DGKB: variants seen among roughly 807,000 people sequenced by gnomAD.
DGKB encodes 90 kDa diacylglycerol kinase.
In DGKB, 67 loss-of-function variants were observed where a neutral mutation model predicts 114.3. The ratio of observed to expected loss-of-function variants is 0.59; its 90% CI spans 0.48 to 0.72. The LOEUF is 0.72. Ranked by LOEUF, DGKB falls within the 30% of genes least tolerant of loss-of-function variation. The pLI is 0.00. For synonymous variants in DGKB, 398 were observed against 323.1 expected (o/e 1.23, Z -2.49); for missense variants, 907 against 975.2 (o/e 0.93, Z 0.93).
intron 23 of DGKB, among the ~76,000 whole-genome samples, chr7:14,248,375 ATT>A (rs1297344107): frequency 1.3e-5 from 2 of 152,044 alleles, no homozygotes; most frequent in Non-Finnish European, 2.9e-5. Context: ...TGTGTTTTCT[ATT>A]TCTGTGAAAA....
Position 14,474,113 on chromosome 7 carries a change from T to G in DGKB, c.1835+4048A>C, listed in dbSNP as rs1157877706. Among the ~76,000 whole-genome samples, 4 of 152,336 alleles carry G rather than the reference T, an allele frequency of 2.6e-5. No individual in the cohort carries two copies. In the East Asian group the frequency reaches 7.7e-4, roughly 29 times the overall value. ...GGGGCCATGGGCAGAATGATATGGTTTGGCCATATTCCCACTCAAATATCA... is the reference window on the plus strand; with the variant it reads ...GGGGCCATGGGCAGAATGATATGGTGTGGCCATATTCCCACTCAAATATCA... On this transcript the variant is annotated intron_variant, in intron 21 of 25. Transcript: ENST00000402815.
chr7:14,248,017 A>T (rs936759770), intron 23 of DGKB, among the ~76,000 whole-genome samples: 13 of 151,852 alleles, frequency 8.6e-5, no homozygotes, highest in African/African-American at 3.1e-4. Context: ...TTTTAGGTTG[A>T]TTTTTTTTAT....
At chr7:14,925,011 T>C (rs1442311708) in intron 1 of DGKB, among the ~76,000 whole-genome samples, 1 of 152,200 alleles carries the variant, frequency 6.6e-6, no homozygotes, top group Non-Finnish European at 1.5e-5. Context: ...GTTATATAAA[T>C]AGAATCATAC....
chr7:14,538,879 G>T (rs1340271745), intron 20 of DGKB, among the ~76,000 whole-genome samples: 1 of 152,150 alleles, frequency 6.6e-6, no homozygotes, highest in Non-Finnish European at 1.5e-5. Context: ...GCCAGTCACA[G>T]AAGGACAAAC....
In DGKB at chr7:14,800,624, T is replaced by C. The variant is rs1326040936; in HGVS notation, c.70+40570A>G. Among the ~76,000 whole-genome samples, 3 of 152,178 alleles carry C rather than the reference T, an allele frequency of 2.0e-5. No homozygotes were observed. In the East Asian group the frequency reaches 5.8e-4, roughly 29 times the overall value. Reference sequence around the variant, plus strand: ...TGTGATTGTATAAGTTAATACTTAGTAAACTCACCTTTTTATATATGCTAT... The same window carrying C: ...TGTGATTGTATAAGTTAATACTTAGCAAACTCACCTTTTTATATATGCTAT... On this transcript the variant is annotated intron_variant, in intron 2 of 25. Transcript: ENST00000402815.
At chr7:14,530,287 T>A (rs1791361708) in intron 20 of DGKB, among the ~76,000 whole-genome samples, 1 of 151,568 alleles carries the variant, frequency 6.6e-6, no homozygotes. Context: ...AATGAAAAAC[T>A]ATCATGTTCT....
intron 21 of DGKB, among the ~76,000 whole-genome samples, chr7:14,466,148 G>A (rs1780439100): frequency 6.6e-6 from 1 of 152,160 alleles, no homozygotes; most frequent in African/African-American, 2.4e-5. Context: ...CTATGAAACA[G>A]GAATGAGGTA....
intron 1 of DGKB, among the ~76,000 whole-genome samples, chr7:14,962,685 C>T (rs1786927306): frequency 1.3e-5 from 2 of 150,450 alleles, no homozygotes; most frequent in Non-Finnish European, 3.0e-5. Context: ...CGTATACAGG[C>T]AAATGACCAG....
At chr7:14,746,300 C>T (rs1359782476) in intron 4 of DGKB, among the ~76,000 whole-genome samples, 4 of 152,108 alleles carry the variant, frequency 2.6e-5, no homozygotes, top group African/African-American at 4.8e-5. Context: ...CACCACTGCA[C>T]TCTAGCCTGG....
intron 1 of DGKB, among the ~76,000 whole-genome samples, chr7:14,936,194 A>G (rs570212594): frequency 6.6e-6 from 1 of 152,340 alleles, no homozygotes; most frequent in South Asian, 2.1e-4. Context: ...ATTGGACTGT[A>G]CAAACAAGAA....
chr7:14,690,806 A>AT (rs1372813005), intron 9 of DGKB, among the ~76,000 whole-genome samples: 2 of 152,226 alleles, frequency 1.3e-5, no homozygotes, highest in African/African-American at 2.4e-5. Flanking sequence ...ATTACATTGG[A>AT]TTTTTTTAAA....
At chr7:14,271,753 G>A (rs376387816) in intron 23 of DGKB, among the ~76,000 whole-genome samples, 170 of 152,262 alleles carry the variant, frequency 1.1e-3, no homozygotes, top group African/African-American at 3.3e-3. Flanking sequence ...GGACTTAGAC[G>A]GGAAAAAGAA....
chr7:14,631,775 C>T (rs17168317), intron 13 of DGKB, among the ~76,000 whole-genome samples: 24,519 of 151,920 alleles, frequency 0.16, 2,570 homozygotes, highest in East Asian at 0.59. Context: ...TTCTTAGCTT[C>T]GGGTTGAAGC....
At chr7:14,633,380 G>A (rs562948130) in intron 13 of DGKB, among the ~76,000 whole-genome samples, 7 of 151,926 alleles carry the variant, frequency 4.6e-5, no homozygotes, top group African/African-American at 1.7e-4. Flanking sequence ...AGCCTTCTGA[G>A]AGCAACACTA....
chr7:14,736,347 G>A (rs1211925774), intron 4 of DGKB, among the ~76,000 whole-genome samples, 153 bp from the exon 5 acceptor site: 1 of 152,074 alleles, frequency 6.6e-6, no homozygotes, highest in Non-Finnish European at 1.5e-5. Flanking sequence ...AAATAGGGTG[G>A]GCCGTCCTGG....
At chr7:14,519,896 G>T (rs1037637684) in intron 20 of DGKB, among the ~76,000 whole-genome samples, 3 of 151,618 alleles carry the variant, frequency 2.0e-5, no homozygotes, top group African/African-American at 7.3e-5. Context: ...TTTTAAATTG[G>T]ATTGTTTCTC....
chr7:14,512,618 A>G (rs551405114), intron 20 of DGKB, among the ~76,000 whole-genome samples: 1 of 152,262 alleles, frequency 6.6e-6, no homozygotes, highest in East Asian at 1.9e-4. Flanking sequence ...ACTTCCAGCC[A>G]TTGAGAAAAC....
chr7:14,917,378 C>G (rs1424076158), intron 1 of DGKB, among the ~76,000 whole-genome samples: 1 of 151,814 alleles, frequency 6.6e-6, no homozygotes, highest in African/African-American at 2.4e-5. Context: ...GAACTTCTAG[C>G]CAGGCCACTA....
At chr7:14,197,259 G>A (rs576572805) in intron 23 of DGKB, among the ~76,000 whole-genome samples, 59 of 152,072 alleles carry the variant, frequency 3.9e-4, no homozygotes, top group African/African-American at 1.3e-3. Context: ...TTGGTACAAA[G>A]GAAAATTATT....
Sources: allele counts gnomAD v4.1 joint callset (sites outside exome capture counted in the v4.1 genomes callset), GRCh38; gene constraint gnomAD v4.1.1; transcripts MANE v1.5; gene names NCBI Gene and HGNC (gene_info 2026-07-23, HGNC 2026-07-21).